PRKN: variants seen among roughly 807,000 people sequenced by gnomAD.
The protein encoded by PRKN is E3 ubiquitin-protein ligase parkin.
PRKN carries 56 observed loss-of-function variants against 59.5 expected under a neutral mutation model. That is an observed-to-expected ratio of 0.94 (90% CI 0.76 to 1.18). PRKN has a LOEUF of 1.18. Among genes scored for constraint, PRKN ranks in the 50% most tolerant of loss-of-function variants. The probability of loss-of-function intolerance (pLI) is 0.00; values close to 1 mark genes in which losing one functional copy is unlikely to be tolerated. For missense variants in PRKN, 657 were observed against 596.4 expected, an observed-to-expected ratio of 1.10 and a Z score of -1.06; for synonymous variants, 250 against 222.1, an observed-to-expected ratio of 1.13 and a Z score of -1.12.
chr6:161,537,459 C>CTTT (rs1294799822), intron 9 of PRKN, among the ~76,000 whole-genome samples: 1 of 142,926 alleles, frequency 7.0e-6, no homozygotes, highest in Non-Finnish European at 1.5e-5. Context: ...TTTCTTTTTT[C>CTTT]TTTTTTTTTT....
chr6:161,520,654 A>G (rs1186121628), intron 9 of PRKN, among the ~76,000 whole-genome samples: 1 of 152,228 alleles, frequency 6.6e-6, no homozygotes, highest in African/African-American at 2.4e-5. Context: ...CTAAAGTTTG[A>G]GTCCTGGGTC....
Position 161,431,059 on chromosome 6 carries a change from A to C in PRKN, c.1084-44182T>G, listed in dbSNP as rs912175207. The stretch of plus-strand genomic sequence containing the variant: ...GAGGTTGAGACAGGAGAATTGCTTG[A>C]ACCTGGGGGGCGGAGGTTGAAACGA... On this transcript the variant is annotated intron_variant, in intron 9 of 11. Transcript: ENST00000366898. Among the ~76,000 whole-genome samples the C allele has an allele frequency of 2.0e-5, 3 of 151,306 alleles. No homozygotes were observed. The Admixed American group carries it at 2.0e-4, about 10-fold the overall frequency.
intron 1 of PRKN, among the ~76,000 whole-genome samples, chr6:162,509,729 A>AT (rs1777510976): frequency 1.3e-5 from 2 of 152,238 alleles, no homozygotes. Flanking sequence ...ACACTGCTGT[A>AT]TAAAAAAGTC....
Position 161,998,153 on chromosome 6 carries a change from C to G in PRKN, c.619-24736G>C, listed in dbSNP as rs371983983. ...GGGATTTTTGGGAAGTATGAGATTT[C>G]CCATCTAAGATTTAGTGAGGAAGCA... is the stretch of plus-strand genomic sequence containing the variant. On this transcript the variant is annotated intron_variant, in intron 5 of 11. Transcript: ENST00000366898. Among the ~76,000 whole-genome samples the G allele has an allele frequency of 3.9e-5, 6 of 152,034 alleles. No individual in the cohort carries two copies. In the East Asian group the frequency reaches 1.2e-3, roughly 29 times the overall value.
At chr6:161,516,164 T>A (rs1324095123) in intron 9 of PRKN, among the ~76,000 whole-genome samples, 7 of 152,062 alleles carry the variant, frequency 4.6e-5, no homozygotes, top group African/African-American at 1.7e-4. Context: ...AGAAGAAAAG[T>A]GGGCCAGGCG....
At chr6:161,479,516 G>T (rs1300343531) in intron 9 of PRKN, among the ~76,000 whole-genome samples, 4 of 152,098 alleles carry the variant, frequency 2.6e-5, no homozygotes. Context: ...GAAGTGTAAT[G>T]AGGGAACCAG....
chr6:161,697,806 C>A (rs1286705976), intron 7 of PRKN, among the ~76,000 whole-genome samples: 1 of 152,148 alleles, frequency 6.6e-6, no homozygotes, highest in Non-Finnish European at 1.5e-5. Flanking sequence ...GAAAATCAAT[C>A]CCTGGCATTT....
intron 5 of PRKN, among the ~76,000 whole-genome samples, chr6:161,998,716 G>A (rs1292287848): frequency 6.6e-6 from 1 of 152,140 alleles, no homozygotes; most frequent in Non-Finnish European, 1.5e-5. Context: ...CTCCAGGAAA[G>A]TCTTGAGAGA....
At chr6:162,468,123 T>TAG (rs1419952219) in intron 1 of PRKN, among the ~76,000 whole-genome samples, 1 of 152,200 alleles carries the variant, frequency 6.6e-6, no homozygotes, top group Non-Finnish European at 1.5e-5. Context: ...GACAGGGACT[T>TAG]TGCCTCTGTA....
At chr6:162,205,359 T>C (rs1336494604) in intron 3 of PRKN, among the ~76,000 whole-genome samples, 1 of 152,130 alleles carries the variant, frequency 6.6e-6, no homozygotes, top group East Asian at 1.9e-4. Flanking sequence ...ATCTTTACAG[T>C]TATCATTTTT....
At chr6:162,126,791 C>T (rs944016980) in intron 4 of PRKN, among the ~76,000 whole-genome samples, 1 of 151,932 alleles carries the variant, frequency 6.6e-6, no homozygotes, top group Non-Finnish European at 1.5e-5. Context: ...TCCTCTTTTA[C>T]TCTAATTCAT....
intron 9 of PRKN, among the ~76,000 whole-genome samples, chr6:161,435,026 C>T (rs919032665): frequency 4.6e-5 from 7 of 152,106 alleles, no homozygotes; most frequent in African/African-American, 1.7e-4. Flanking sequence ...CTCTTGTGCT[C>T]ATGACAAAGA....
rs1283350424 is a variant in PRKN, at chr6:161,555,699, C to T, written c.934-6696G>A. ...TGAGTGCATGAGACCTAAAGTGCTCCAAGCCCTTTAAACCTTATTACAGAC... is the reference window on the plus strand; with the variant it reads ...TGAGTGCATGAGACCTAAAGTGCTCTAAGCCCTTTAAACCTTATTACAGAC... On this transcript the variant is annotated intron_variant, in intron 8 of 11. Coordinates refer to ENST00000366898, the MANE Select transcript of PRKN (RefSeq NM_004562.3). 1.3e-5 allele frequency among the ~76,000 whole-genome samples: 2 copies of T among 152,110 alleles called. 1 individual carries two copies. Among genetic ancestry groups the T allele is most frequent in the Non-Finnish European group, 2.9e-5 (2 of 68,024 alleles).
intron 2 of PRKN, among the ~76,000 whole-genome samples, chr6:162,341,341 C>T (rs949583956): frequency 2.6e-5 from 4 of 152,162 alleles, no homozygotes; most frequent in Non-Finnish European, 5.9e-5. Context: ...TTGTGGAAGA[C>T]AGTTTGGTGA....
intron 4 of PRKN, among the ~76,000 whole-genome samples, chr6:162,107,492 A>C (rs1456753999): frequency 2.0e-5 from 3 of 152,136 alleles, no homozygotes; most frequent in Non-Finnish European, 2.9e-5. Flanking sequence ...AAAAAGTTGT[A>C]CCAAGTAGTG....
chr6:162,687,188 CTT>C (rs749381380), intron 1 of PRKN, among the ~76,000 whole-genome samples: 3 of 134,580 alleles, frequency 2.2e-5, no homozygotes, highest in Admixed American at 7.5e-5. Context: ...GCCTCTTTTT[CTT>C]TTTTTTTTTT....
chr6:161,455,579 G>C (rs9458265), intron 9 of PRKN, among the ~76,000 whole-genome samples: 1,937 of 152,070 alleles, frequency 0.013, 46 homozygotes, highest in African/African-American at 0.044. Flanking sequence ...GAAATATTAG[G>C]TGCAGGCCAG....
rs367937475 is a variant in PRKN, at chr6:162,305,802, T to C, written c.172-43037A>G. On this transcript the variant is annotated intron_variant, in intron 2 of 11. Transcript: ENST00000366898. Reference sequence around the variant, plus strand: ...ATGATTTTGGAACTATTTGTAAGTATACTGAAAATTCTATATCTAAAACCA... The same window carrying C: ...ATGATTTTGGAACTATTTGTAAGTACACTGAAAATTCTATATCTAAAACCA... 3.9e-5 allele frequency among the ~76,000 whole-genome samples: 6 copies of C among 152,238 alleles called. No homozygotes were observed. In the East Asian group the frequency reaches 9.6e-4, roughly 24 times the overall value.
chr6:162,112,479 C>CT (rs1393703846), intron 4 of PRKN, among the ~76,000 whole-genome samples: 1 of 152,074 alleles, frequency 6.6e-6, no homozygotes, highest in East Asian at 1.9e-4. Flanking sequence ...TTGAAGTTTA[C>CT]TTTTTTGCTT....
Sources: allele counts gnomAD v4.1 joint callset (sites outside exome capture counted in the v4.1 genomes callset), GRCh38; gene constraint gnomAD v4.1.1; transcripts MANE v1.5; gene names NCBI Gene and HGNC (gene_info 2026-07-23, HGNC 2026-07-21).